DNAJC1: variants seen among roughly 807,000 people sequenced by gnomAD.
The protein encoded by DNAJC1 is DnaJ heat shock protein family (Hsp40) member C1, also known as dnaJ homolog subfamily C member 1.
Under a neutral mutation model 76.6 loss-of-function variants are expected in DNAJC1, and 58 were observed. The ratio of observed to expected loss-of-function variants is 0.76; its 90% CI spans 0.61 to 0.94. The LOEUF (loss-of-function observed/expected upper bound fraction) is 0.94. DNAJC1 is among the 40% of genes least tolerant of loss of function. The pLI is 0.00. For missense variants in DNAJC1, 689 were observed against 677.3 expected (o/e 1.02, Z -0.19); for synonymous variants, 258 against 267.9 (o/e 0.96, Z 0.36).
rs758136378 is a variant in DNAJC1, at chr10:21,756,748, C to T, written c.1604G>A (p.Cys535Tyr). Residue 535 changes from cysteine to tyrosine, a missense_variant, in exon 12 of 12, where the codon TGT (cysteine) becomes TAT (tyrosine). Coordinates refer to ENST00000376980, the MANE Select transcript of DNAJC1 (RefSeq NM_022365.4). ...RCVPSKSKED[C>Y]IARYKLLVEL... ...AACCAGCAACTTGTACCTAGCGATACAGTCTTCCTGTAGGAAGAAAAAAAG... is the reference window on the plus strand; with the variant it reads ...AACCAGCAACTTGTACCTAGCGATATAGTCTTCCTGTAGGAAGAAAAAAAG... 3.1e-6 allele frequency: 5 copies of T among 1,613,188 alleles called. No homozygotes were observed. The African/African-American group carries it at 4.0e-5, about 13-fold the overall frequency.
At chr10:21,796,844 T>TA (rs1467552290) in intron 9 of DNAJC1, among the ~76,000 whole-genome samples, 6 of 152,198 alleles carry the variant, frequency 3.9e-5, no homozygotes, top group Non-Finnish European at 8.8e-5. Flanking sequence ...TTTTGGACAT[T>TA]AACACCTTAT....
chr10:21,954,573 A>T (rs1590065432), intron 1 of DNAJC1, among the ~76,000 whole-genome samples: 1 of 152,222 alleles, frequency 6.6e-6, no homozygotes. Context: ...TGAAATATAG[A>T]GTTAACTTAG....
intron 1 of DNAJC1, among the ~76,000 whole-genome samples, chr10:21,992,864 T>C (rs1473668288): frequency 6.6e-6 from 1 of 152,234 alleles, no homozygotes; most frequent in Non-Finnish European, 1.5e-5. Context: ...CATTAAAGTA[T>C]TACTCTGGAG....
At chr10:21,941,590 G>C (rs1837412568) in intron 1 of DNAJC1, among the ~76,000 whole-genome samples, 1 of 152,106 alleles carries the variant, frequency 6.6e-6, no homozygotes, top group Non-Finnish European at 1.5e-5. Flanking sequence ...TATTAAATGA[G>C]TGATGATTAA....
chr10:21,942,294 A>T (rs1439827167), intron 1 of DNAJC1, among the ~76,000 whole-genome samples: 1 of 152,214 alleles, frequency 6.6e-6, no homozygotes, highest in Non-Finnish European at 1.5e-5. Context: ...TAAAACAGTC[A>T]TAAACCCTTA....
chr10:21,839,031 A>G (rs1173755543), intron 8 of DNAJC1, among the ~76,000 whole-genome samples: 3 of 152,232 alleles, frequency 2.0e-5, no homozygotes, highest in Non-Finnish European at 4.4e-5. Flanking sequence ...AGGCAGAAAT[A>G]AAGGTGTTCT....
At chr10:21,862,347 A>C (rs1189673862) in intron 8 of DNAJC1, among the ~76,000 whole-genome samples, 1 of 152,118 alleles carries the variant, frequency 6.6e-6, no homozygotes, top group Non-Finnish European at 1.5e-5. Flanking sequence ...AGTAACACCT[A>C]AATAATAATA....
chr10:21,883,523 T>C (rs1294281742), intron 7 of DNAJC1, among the ~76,000 whole-genome samples: 3 of 152,204 alleles, frequency 2.0e-5, no homozygotes, highest in Non-Finnish European at 2.9e-5. Context: ...TGACTTATTA[T>C]GGGATTACAT....
At chr10:21,794,461 G>A (rs1666724789) in intron 9 of DNAJC1, among the ~76,000 whole-genome samples, 1 of 152,154 alleles carries the variant, frequency 6.6e-6, no homozygotes, top group East Asian at 1.9e-4. Context: ...AAATTGTTAA[G>A]ATGGCAGTTC....
chr10:21,943,049 CAG>C (rs1837445375), intron 1 of DNAJC1, among the ~76,000 whole-genome samples: 1 of 150,412 alleles, frequency 6.6e-6, no homozygotes, highest in African/African-American at 2.4e-5. Flanking sequence ...TTTTTCAAGA[CAG>C]AAATAAAAGT....
intron 6 of DNAJC1, among the ~76,000 whole-genome samples, chr10:21,910,758 C>T (rs1836841534): frequency 1.4e-5 from 2 of 144,000 alleles, no homozygotes; most frequent in Admixed American, 7.2e-5. Flanking sequence ...CCATGGCACA[C>T]GTTTCCCTAT....
At chr10:21,766,224 A>G (rs530817381) in intron 10 of DNAJC1, 37 bp downstream of exon 10, 2 of 1,463,832 alleles carry the variant, frequency 1.4e-6, no homozygotes, top group East Asian at 2.3e-5. Flanking sequence ...AGAAGAAACC[A>G]CTTTAGATTA....
At chr10:21,880,353 T>C (rs923163948) in intron 8 of DNAJC1, among the ~76,000 whole-genome samples, 23 of 152,236 alleles carry the variant, frequency 1.5e-4, no homozygotes, top group African/African-American at 5.1e-4. Flanking sequence ...TGTAATGGCA[T>C]CTAGAATAGT....
chr10:21,892,652 TAAC>T (rs1463767808), intron 7 of DNAJC1, among the ~76,000 whole-genome samples: 2 of 151,896 alleles, frequency 1.3e-5, no homozygotes, highest in African/African-American at 4.8e-5. Context: ...ATTTCAAATA[TAAC>T]AATATGGGTA....
chr10:21,788,142 C>T (rs1046252030), intron 9 of DNAJC1, among the ~76,000 whole-genome samples: 1 of 152,242 alleles, frequency 6.6e-6, no homozygotes, highest in Admixed American at 6.5e-5. Context: ...AGCACCATTT[C>T]TCCCTCCAGA....
rs534595244 is a variant in DNAJC1, at chr10:21,859,476, AT to A, written c.978+22805del. ...AAGAATGATGAAAATAATGATGAACATTTTATATTTCCCCTATTTGATATGA... is the reference window on the plus strand; with the variant it reads ...AAGAATGATGAAAATAATGATGAACATTTATATTTCCCCTATTTGATATGA... On this transcript the variant is annotated intron_variant, in intron 8 of 11. Coordinates refer to ENST00000376980, the MANE Select transcript of DNAJC1 (RefSeq NM_022365.4). Among the ~76,000 whole-genome samples the A allele has an allele frequency of 9.8e-5, 15 of 152,332 alleles. No individual in the cohort carries two copies. In the South Asian group the frequency reaches 3.1e-3, roughly 32 times the overall value.
intron 8 of DNAJC1, among the ~76,000 whole-genome samples, chr10:21,837,466 G>A (rs1227496652): frequency 1.3e-5 from 2 of 150,870 alleles, no homozygotes; most frequent in Non-Finnish European, 1.5e-5. Flanking sequence ...AGGAAGTGAG[G>A]AGCGTCTCTG....
intron 1 of DNAJC1, among the ~76,000 whole-genome samples, chr10:22,002,169 C>A (rs766128783): frequency 2.0e-5 from 3 of 152,200 alleles, no homozygotes; most frequent in Non-Finnish European, 4.4e-5. Context: ...AGGGGATGTG[C>A]ATTTCATATC....
rs945888768 is a variant in DNAJC1 at position 21,793,292 on chromosome 10, C to T, written c.1098+12688G>A. On this transcript the variant is annotated intron_variant, in intron 9 of 11. Coordinates refer to ENST00000376980, the MANE Select transcript of DNAJC1 (RefSeq NM_022365.4). ...TTGCTCTCCAGCCTGGGCAACTGGG[C>T]GCTCCATCTCAGGGGTTGGGGGGCC... 4.6e-5 allele frequency among the ~76,000 whole-genome samples: 7 copies of T among 152,006 alleles called. No homozygotes were observed. The East Asian group carries it at 5.8e-4, about 13-fold the overall frequency.
Sources: allele counts gnomAD v4.1 joint callset (sites outside exome capture counted in the v4.1 genomes callset), GRCh38; gene constraint gnomAD v4.1.1; transcripts MANE v1.5; gene names NCBI Gene and HGNC (gene_info 2026-07-23, HGNC 2026-07-21).